LYN: variants seen among roughly 807,000 people sequenced by gnomAD.
The protein encoded by LYN is tyrosine-protein kinase Lyn.
In LYN, 12 loss-of-function variants were observed where a neutral mutation model predicts 65.0. The ratio of observed to expected loss-of-function variants is 0.18; its 90% CI spans 0.12 to 0.30. The LOEUF (loss-of-function observed/expected upper bound fraction) is 0.30, where lower values mean the gene tolerates loss of function less well. Ranked by LOEUF, LYN falls within the 10% of genes least tolerant of loss-of-function variation. LYN has a pLI of 1.00. For missense variants in LYN, 380 were observed against 623.2 expected, an observed-to-expected ratio of 0.61 and a Z score of 4.16; for synonymous variants, 222 against 221.2, an observed-to-expected ratio of 1.00 and a Z score of -0.03.
At chr8:55,906,725 G>GAA (rs11417225) in intron 1 of LYN, among the ~76,000 whole-genome samples, 1 of 138,230 alleles carries the variant, frequency 7.2e-6, no homozygotes, top group African/African-American at 2.6e-5. Context: ...AAAAGAAAAA[G>GAA]AAAAAAAAAA....
intron 1 of LYN, among the ~76,000 whole-genome samples, chr8:55,912,679 A>G (rs757390567): frequency 2.0e-5 from 3 of 150,434 alleles, no homozygotes; most frequent in Non-Finnish European, 3.0e-5. Context: ...GTGAGCCGAG[A>G]TTATGCCACT....
intron 8 of LYN, among the ~76,000 whole-genome samples, chr8:55,963,739 C>T (rs1807356857): frequency 6.6e-6 from 1 of 152,100 alleles, no homozygotes; most frequent in African/African-American, 2.4e-5. Flanking sequence ...AAGTCTTTGC[C>T]TATTTCTTCT....
intron 1 of LYN, among the ~76,000 whole-genome samples, chr8:55,914,592 C>G (rs1372930077): frequency 6.6e-6 from 1 of 152,120 alleles, no homozygotes; most frequent in African/African-American, 2.4e-5. Flanking sequence ...ATCTCTGGAA[C>G]CTTTCCTGAG....
At chr8:55,920,076 T>A (rs1183688312) in intron 1 of LYN, among the ~76,000 whole-genome samples, 1 of 152,148 alleles carries the variant, frequency 6.6e-6, no homozygotes, top group African/African-American at 2.4e-5. Flanking sequence ...TCTGCAAACA[T>A]AGAACTGTTT....
At chr8:55,981,043 C>T (rs1807903516) in intron 10 of LYN, among the ~76,000 whole-genome samples, 1 of 152,182 alleles carries the variant, frequency 6.6e-6, no homozygotes. Flanking sequence ...AGTGGGTCCC[C>T]ACCACACCCA....
chr8:55,964,047 A>G (rs1439709542), intron 8 of LYN, among the ~76,000 whole-genome samples: 1 of 152,194 alleles, frequency 6.6e-6, no homozygotes, highest in Non-Finnish European at 1.5e-5. Flanking sequence ...AGAAAAGGCC[A>G]TATTGCTTGT....
At chr8:55,998,559 G>A (rs573623860) in intron 11 of LYN, 60 bp downstream of exon 11, 2 of 1,525,426 alleles carry the variant, frequency 1.3e-6, no homozygotes, top group African/African-American at 2.7e-5. Context: ...GTTTTTGTCT[G>A]TTTTTGACAA....
At chr8:56,006,854 C>T (rs1410418936) in intron 12 of LYN, among the ~76,000 whole-genome samples, 1 of 152,198 alleles carries the variant, frequency 6.6e-6, no homozygotes, top group Non-Finnish European at 1.5e-5. Flanking sequence ...TGGTTGAGGT[C>T]CCTCTCCTCT....
chr8:56,002,781 A>T (rs1262104728), intron 12 of LYN, among the ~76,000 whole-genome samples: 1 of 152,084 alleles, frequency 6.6e-6, no homozygotes, highest in African/African-American at 2.4e-5. Context: ...AGGACTGGGG[A>T]TGTGAGATAT....
Position 55,979,490 on chromosome 8 carries a change from C to T in LYN, c.1050+9697C>T, listed in dbSNP as rs1258180932. ...CAGCATTCTTCGCCTACCCTCGGAG[C>T]ACGTGCTGTAGCTATGCATTTGTGT... On this transcript the variant is annotated intron_variant, in intron 10 of 12. Transcript: ENST00000519728. Among the ~76,000 whole-genome samples the T allele has an allele frequency of 2.0e-5, 3 of 152,174 alleles. No homozygotes were observed. In the East Asian group the frequency reaches 5.8e-4, roughly 29 times the overall value.
chr8:56,004,641 C>G (rs1002306717), intron 12 of LYN, among the ~76,000 whole-genome samples: 28 of 152,150 alleles, frequency 1.8e-4, no homozygotes, highest in African/African-American at 6.0e-4. Flanking sequence ...GGGTGCTCCT[C>G]AAAGTAATCT....
At chr8:55,951,850 T>A in intron 6 of LYN, 116 bp from the exon 7 acceptor site, 1 of 786,258 alleles carries the variant, frequency 1.3e-6, no homozygotes, top group Admixed American at 2.9e-5. Context: ...TTTATACAAA[T>A]TTCATAAATA....
At chr8:55,913,870 C>T (rs927044284) in intron 1 of LYN, among the ~76,000 whole-genome samples, 2 of 152,020 alleles carry the variant, frequency 1.3e-5, no homozygotes, top group South Asian at 2.1e-4. Flanking sequence ...GTATGAAGGG[C>T]CTTGGAGTAC....
Position 55,951,601 on chromosome 8 carries a change from G to A in LYN, c.488-365G>A, listed in dbSNP as rs1409054200. Among the ~76,000 whole-genome samples the A allele has an allele frequency of 2.6e-5, 4 of 151,682 alleles. No individual in the cohort carries two copies. The South Asian group carries it at 8.3e-4, about 31-fold the overall frequency. ...GATCGTTTGAGCCCAAGAGGTGGAG[G>A]CTGCAGTTAGCTATGATTGTGCCAC... On this transcript the variant is annotated intron_variant, in intron 6 of 12. Coordinates refer to ENST00000519728, the MANE Select transcript of LYN (RefSeq NM_002350.4).
At chr8:55,953,391 T>C (rs141719744) in intron 7 of LYN, among the ~76,000 whole-genome samples, 2 of 152,324 alleles carry the variant, frequency 1.3e-5, no homozygotes, top group African/African-American at 4.8e-5. Context: ...CTCACACCTG[T>C]AATCCAGCAT....
At chr8:55,886,406 C>T (rs1264342788) in intron 1 of LYN, among the ~76,000 whole-genome samples, 2 of 151,932 alleles carry the variant, frequency 1.3e-5, no homozygotes, top group Non-Finnish European at 2.9e-5. Context: ...CACCACCATG[C>T]CCGGCTAATT....
chr8:55,915,180 C>T (rs16922400), intron 1 of LYN, among the ~76,000 whole-genome samples: 6,898 of 152,220 alleles, frequency 0.045, 187 homozygotes, highest in African/African-American at 0.081. Flanking sequence ...AGCTGTCCAA[C>T]CTCTCTGGCA....
chr8:55,962,377 A>G (rs923960830), intron 8 of LYN, among the ~76,000 whole-genome samples: 3 of 150,688 alleles, frequency 2.0e-5, no homozygotes, highest in Middle Eastern at 3.2e-3. Context: ...GTGTGGCTAC[A>G]ATTCATTCAT....
intron 10 of LYN, among the ~76,000 whole-genome samples, chr8:55,971,966 C>T (rs1414907444): frequency 1.3e-5 from 2 of 152,154 alleles, no homozygotes; most frequent in Non-Finnish European, 1.5e-5. Flanking sequence ...GTTGACTCTC[C>T]TGTCAACTGA....
Sources: gnomAD v4.1 joint callset for allele counts (sites outside exome capture counted in the v4.1 genomes callset) on GRCh38, gnomAD v4.1.1 for gene constraint, MANE v1.5 for transcripts, NCBI Gene and HGNC (gene_info 2026-07-23, HGNC 2026-07-21) for gene names.